The following AMZ2 variants were observed in gnomAD, a reference collection of about 807,000 sequenced individuals.
AMZ2 encodes archaemetzincin-2.
Under a neutral mutation model 36.7 loss-of-function variants are expected in AMZ2, and 26 were observed. The ratio of observed to expected loss-of-function variants is 0.71; its 90% confidence interval spans 0.52 to 0.98. The LOEUF (loss-of-function observed/expected upper bound fraction) is 0.98, where lower values mean the gene tolerates loss of function less well. Ranked by LOEUF, AMZ2 falls within the 50% of genes least tolerant of loss-of-function variation. The probability of loss-of-function intolerance (pLI) is 0.00; values close to 1 mark genes in which losing one functional copy is unlikely to be tolerated. For synonymous variants in AMZ2, 144 were observed against 149.1 expected (o/e 0.97, Z 0.25); for missense variants, 394 against 430.5 (o/e 0.92, Z 0.75).
At chr17:68,210,965 G>GGA (rs1704438453) in intron 1 of AMZ2, among the ~76,000 whole-genome samples, 1 of 144,134 alleles carries the variant, frequency 6.9e-6, no homozygotes, top group African/African-American at 2.5e-5. Context: ...AAAGGGGGGG[G>GGA]GGGAGGTGGT....
intron 4 of AMZ2, among the ~76,000 whole-genome samples, chr17:68,252,118 G>A (rs2074530472): frequency 6.6e-6 from 1 of 152,044 alleles, no homozygotes; most frequent in African/African-American, 2.4e-5. Context: ...AGACTTGAAA[G>A]GGAAAAGGCC....
intron 1 of AMZ2, among the ~76,000 whole-genome samples, chr17:68,240,144 T>A (rs1555733709): frequency 1.3e-5 from 2 of 152,200 alleles, no homozygotes. Context: ...TCAGAGATAG[T>A]GTCTTCTTGC....
Position 68,229,493 on chromosome 17 carries a change from A to G in AMZ2, c.-66-19147A>G, listed in dbSNP as rs572185510. Among the ~76,000 whole-genome samples the G allele has an allele frequency of 5.0e-4, 76 of 152,298 alleles. 3 individuals carry two copies. The highest frequency in any genetic ancestry group is 1.7e-3 in the African/African-American group (70 of 41,566). ...GCACAGATGCCTAACATTTTGAGGG[A>G]CATTTTACTTTTCCTGAGAGTTTGA... On this transcript the variant is annotated intron_variant, in intron 1 of 7. Coordinates refer to the AMZ2 transcript ENST00000674770.
In AMZ2 at chr17:68,248,645, C is replaced by A; in HGVS notation, c.-61C>A. 3 of 986,030 alleles carry A rather than the reference C, an allele frequency of 3.0e-6. No homozygotes were observed. Among genetic ancestry groups the A allele is most frequent in the Non-Finnish European group, 3.6e-6 (3 of 830,084 alleles). 61.1% of individuals were successfully genotyped at this position (986,030 alleles called of 1,614,324 possible). On this transcript the variant is annotated 5_prime_UTR_variant, in exon 1 of 7. Transcript: ENST00000359904. ...ACTCCACAACTTTCTTCCAGCCAGGCCCAGACATGTCCGTCCTTGTAAGTT... is the reference window on the plus strand; with the variant it reads ...ACTCCACAACTTTCTTCCAGCCAGGACCAGACATGTCCGTCCTTGTAAGTT...
intron 1 of AMZ2, among the ~76,000 whole-genome samples, chr17:68,209,743 C>T (rs1337206041): frequency 6.7e-6 from 1 of 150,322 alleles, no homozygotes; most frequent in African/African-American, 2.5e-5. Flanking sequence ...GTTTCAGCCT[C>T]CTGAGAAGCT....
At chr17:68,230,932 A>G (rs2073646039) in intron 1 of AMZ2, among the ~76,000 whole-genome samples, 1 of 152,174 alleles carries the variant, frequency 6.6e-6, no homozygotes, top group Non-Finnish European at 1.5e-5. Flanking sequence ...TTTTATTGAA[A>G]ACTAGGGAAA....
At chr17:68,211,714 GTA>G (rs1169012916) in intron 1 of AMZ2, among the ~76,000 whole-genome samples, 1,901 of 101,728 alleles carry the variant, frequency 0.019, 57 homozygotes, top group Non-Finnish European at 0.031. Context: ...ATATGTATAT[GTA>G]TATATATGTA....
At chr17:68,247,824 G>T (rs2074097810), upstream of AMZ2, 2 of 985,470 alleles carry the variant, frequency 2.0e-6, no homozygotes, top group African/African-American at 3.5e-5. Context: ...GCGACTGCGG[G>T]GGTGGACAGC....
chr17:68,214,686 TTC>T (rs1555726837), intron 1 of AMZ2, among the ~76,000 whole-genome samples: 12 of 152,198 alleles, frequency 7.9e-5, no homozygotes, highest in Non-Finnish European at 1.6e-4. Context: ...AGATCAGACT[TTC>T]TTGAGTCTGC....
intron 1 of AMZ2, among the ~76,000 whole-genome samples, chr17:68,229,669 C>T (rs1319694608): frequency 6.6e-6 from 1 of 152,208 alleles, no homozygotes; most frequent in African/African-American, 2.4e-5. Flanking sequence ...TCACCTTTAC[C>T]TAGACATTGG....
intron 1 of AMZ2, among the ~76,000 whole-genome samples, chr17:68,241,382 C>T (rs562585516): frequency 6.6e-6 from 1 of 152,270 alleles, no homozygotes; most frequent in South Asian, 2.1e-4. Flanking sequence ...ATAATGTAAA[C>T]ACTGACCACC....
At chr17:68,239,986 G>T (rs1452021631) in intron 1 of AMZ2, among the ~76,000 whole-genome samples, 1 of 152,204 alleles carries the variant, frequency 6.6e-6, no homozygotes, top group Non-Finnish European at 1.5e-5. Flanking sequence ...AAATGAGAGG[G>T]TGTATTTTAG....
chr17:68,257,058 G>T lies in AMZ2; in HGVS notation c.*89G>T. On this transcript the variant is annotated 3_prime_UTR_variant, in exon 7 of 7. Transcript: ENST00000359904. The stretch of plus-strand genomic sequence containing the variant: ...GAATACTTCATTGGAATAAACTACT[G>T]ATCTTGTGCTGTGTCAAAGTAACAG... 1.5e-6 allele frequency: 2 copies of T among 1,379,024 alleles called. No individual in the cohort carries two copies. The highest frequency in any genetic ancestry group is 2.0e-6 in the Non-Finnish European group (2 of 1,008,702). The allele number at this position is 1,379,024 out of a possible 1,614,324, so 85.4% of individuals were successfully genotyped here. A position where few individuals can be genotyped will look rare whatever the true frequency, so the allele number is the denominator to read the frequency against.
intron 1 of AMZ2, chr17:68,207,313 A>ACCCCCCCC (rs10678271): frequency 1.4e-4 from 16 of 110,694 alleles, no homozygotes; most frequent in South Asian, 6.2e-4. Flanking sequence ...TTTGTTAAAT[A>ACCCCCCCC]CCCCCCCCCC....
intron 6 of AMZ2, 105 bp downstream of exon 6, chr17:68,255,981 A>G: frequency 8.1e-7 from 1 of 1,227,196 alleles, no homozygotes; most frequent in South Asian, 1.7e-5. Flanking sequence ...ATCAGAGGAA[A>G]TTAGTGTAAA....
chr17:68,256,749 T>G, intron 6 of AMZ2, 65 bp from the exon 7 acceptor site: 1 of 1,547,346 alleles, frequency 6.5e-7, no homozygotes, highest in East Asian at 2.3e-5. Context: ...AAGCCAATGC[T>G]TCTCTCTTGC....
intron 1 of AMZ2, among the ~76,000 whole-genome samples, chr17:68,225,881 C>T (rs1160121111): frequency 6.6e-6 from 1 of 152,132 alleles, no homozygotes; most frequent in Non-Finnish European, 1.5e-5. Flanking sequence ...ACCTTGGCCT[C>T]CCAAAGTGCT....
At position 68,210,847 on chromosome 17, in the gene AMZ2, C is replaced by T. The variant is rs181474967; in HGVS notation, c.-67+4609C>T. Among the ~76,000 whole-genome samples, 148 of 149,244 alleles carry T rather than the reference C, an allele frequency of 9.9e-4. 1 individual carries two copies. Among genetic ancestry groups the T allele is most frequent in the East Asian group, 3.2e-3 (16 of 5,006 alleles). ...CCTGTGGTCCTAGTTACTTGTGAGA[C>T]TGAGGTAGGAGGATCACCTGAGCCC... is the stretch of plus-strand genomic sequence containing the variant. On this transcript the variant is annotated intron_variant, in intron 1 of 7. Coordinates refer to the AMZ2 transcript ENST00000674770.
intron 1 of AMZ2, among the ~76,000 whole-genome samples, chr17:68,210,415 C>T (rs145543056): frequency 0.014 from 2,192 of 152,194 alleles, 22 homozygotes; most frequent in Non-Finnish European, 0.023. Flanking sequence ...TTATGCTAAG[C>T]GAAATAAGCC....
Sources: gnomAD v4.1 joint callset for allele counts (sites outside exome capture counted in the v4.1 genomes callset) on GRCh38, gnomAD v4.1.1 for gene constraint, MANE v1.5 for transcripts, NCBI Gene and HGNC (gene_info 2026-07-23, HGNC 2026-07-21) for gene names.